Variants in CSMD2 observed in about 807,000 individuals in gnomAD.
CSMD2 encodes CUB and sushi domain-containing protein 2.
CSMD2 carries 130 observed loss-of-function variants against 398.5 expected under a neutral mutation model. The ratio of observed to expected loss-of-function variants is 0.33; its 90% CI spans 0.28 to 0.38. The LOEUF is 0.38. Among genes scored for constraint, CSMD2 ranks in the 10% least tolerant of loss-of-function variants. CSMD2 has a pLI of 1.00. For synonymous variants in CSMD2, 1,828 were observed against 1,908.5 expected, an observed-to-expected ratio of 0.96 and a Z score of 1.10; for missense variants, 3,829 against 4,764.9, an observed-to-expected ratio of 0.80 and a Z score of 5.78.
At chr1:33,674,974 T>C (rs1644650795) in intron 25 of CSMD2, among the ~76,000 whole-genome samples, 1 of 152,136 alleles carries the variant, frequency 6.6e-6, no homozygotes, top group Admixed American at 6.5e-5. Flanking sequence ...TAGAGGGAAA[T>C]TTATAGCACT....
At chr1:33,707,690 C>T (rs1310823061) in intron 22 of CSMD2, among the ~76,000 whole-genome samples, 24 of 41,956 alleles carry the variant, frequency 5.7e-4, no homozygotes, top group Non-Finnish European at 9.1e-4. Flanking sequence ...CACACGCGCG[C>T]GCGCGCACAC....
chr1:33,847,106 T>C, intron 5 of CSMD2, 110 bp from the exon 6 acceptor site: 2 of 660,578 alleles, frequency 3.0e-6, no homozygotes, highest in Non-Finnish European at 5.0e-6. Context: ...TCAGCCCAGC[T>C]CTGGAGCAGG....
intron 44 of CSMD2, among the ~76,000 whole-genome samples, chr1:33,590,294 A>ATTTTT (rs56252015): frequency 5.7e-4 from 42 of 73,830 alleles, no homozygotes; most frequent in Non-Finnish European, 6.2e-4. Flanking sequence ...GCTAATTAAA[A>ATTTTT]TTTTTTTTTT....
At chr1:34,104,309 G>A (rs752790634) in intron 1 of CSMD2, among the ~76,000 whole-genome samples, 2 of 152,128 alleles carry the variant, frequency 1.3e-5, no homozygotes, top group Non-Finnish European at 2.9e-5. Flanking sequence ...AAATTTCTCA[G>A]TTGGTTCCCT....
chr1:33,675,085 A>G (rs545879827), intron 25 of CSMD2, among the ~76,000 whole-genome samples: 124 of 152,366 alleles, frequency 8.1e-4, no homozygotes, highest in African/African-American at 2.6e-3. Context: ...AAAAGCTAGC[A>G]GAAGGCAAGA....
At chr1:34,019,446 T>A (rs924750133) in intron 3 of CSMD2, among the ~76,000 whole-genome samples, 6 of 152,226 alleles carry the variant, frequency 3.9e-5, no homozygotes, top group African/African-American at 1.4e-4. Flanking sequence ...TAAGCAATTG[T>A]GAAGGCTAAG....
chr1:33,944,597 C>T (rs1334143761), intron 3 of CSMD2, among the ~76,000 whole-genome samples: 3 of 152,056 alleles, frequency 2.0e-5, no homozygotes, highest in Admixed American at 6.6e-5. Flanking sequence ...TTTAGAGATC[C>T]GAAGGGTCAC....
chr1:33,756,208 C>T (rs374574513), intron 13 of CSMD2, among the ~76,000 whole-genome samples: 4 of 152,180 alleles, frequency 2.6e-5, no homozygotes, highest in African/African-American at 4.8e-5. Context: ...CTCATCCTCA[C>T]GTAACTCCTA....
chr1:33,864,484 C>T, intron 5 of CSMD2: 1 of 1,613,534 alleles, frequency 6.2e-7, no homozygotes, highest in South Asian at 1.1e-5. Flanking sequence ...CGGCCTCCAT[C>T]ATCCTTCCTA....
At chr1:34,114,907 A>G (rs1661458632) in intron 1 of CSMD2, among the ~76,000 whole-genome samples, 1 of 152,208 alleles carries the variant, frequency 6.6e-6, no homozygotes, top group African/African-American at 2.4e-5. Context: ...TAGAAACTAT[A>G]ATACAAGATC....
At chr1:33,746,216 G>A (rs1296856442) in intron 13 of CSMD2, among the ~76,000 whole-genome samples, 1 of 152,158 alleles carries the variant, frequency 6.6e-6, no homozygotes, top group Non-Finnish European at 1.5e-5. Context: ...CCCCCACACA[G>A]CCATCTTGTC....
chr1:33,928,596 T>C (rs1644205621), intron 4 of CSMD2, among the ~76,000 whole-genome samples: 2 of 152,096 alleles, frequency 1.3e-5, no homozygotes, highest in African/African-American at 4.8e-5. Context: ...AGCCAGTGGG[T>C]GTAAGTGGCA....
intron 2 of CSMD2, among the ~76,000 whole-genome samples, chr1:34,062,177 G>C (rs1479566821): frequency 6.6e-6 from 1 of 152,196 alleles, no homozygotes; most frequent in East Asian, 1.9e-4. Context: ...CACAGCCCTT[G>C]ACCTTGCTGG....
At chr1:33,683,248 T>C (rs1016195162) in intron 25 of CSMD2, among the ~76,000 whole-genome samples, 1 of 152,238 alleles carries the variant, frequency 6.6e-6, no homozygotes. Flanking sequence ...CCATCTTCTA[T>C]TGATCATGCA....
In CSMD2 at chr1:34,164,769, G is replaced by T. The variant is rs986481651; in HGVS notation, c.187+142C>A. On this transcript the variant is annotated intron_variant, in intron 1 of 70. Coordinates refer to ENST00000373381, the MANE Select transcript of CSMD2 (RefSeq NM_001281956.2). This position sits in a 1 kb window ranked among gnomAD's most constrained non-coding sequence, Gnocchi z 6.2. ...GGGAGACGGAGGCAGGGATGAGAATGAGAGTAGGCAACTGGGAGGGTGGGA... is the reference window on the plus strand; with the variant it reads ...GGGAGACGGAGGCAGGGATGAGAATTAGAGTAGGCAACTGGGAGGGTGGGA... 7 of 713,566 alleles carry T rather than the reference G, an allele frequency of 9.8e-6. No homozygotes were observed. In the African/African-American group the frequency reaches 1.1e-4, roughly 12 times the overall value. The allele number at this position is 713,566 out of a possible 1,614,324, so 44.2% of individuals were successfully genotyped here. A position where few individuals can be genotyped will look rare whatever the true frequency, so the allele number is the denominator to read the frequency against.
chr1:34,080,040 A>G (rs1401061105), intron 2 of CSMD2, among the ~76,000 whole-genome samples: 1 of 151,852 alleles, frequency 6.6e-6, no homozygotes, highest in Non-Finnish European at 1.5e-5. Context: ...ATATATTAAA[A>G]ATAGAGAAAT....
chr1:34,050,536 T>C (rs1028316070), intron 2 of CSMD2, among the ~76,000 whole-genome samples: 1 of 152,166 alleles, frequency 6.6e-6, no homozygotes, highest in Non-Finnish European at 1.5e-5. Flanking sequence ...AACAATGAAA[T>C]GGCCTTTTCA....
rs760317973 is a variant in CSMD2, at chr1:34,163,646, C to T, written c.187+1265G>A. ...AGAGGTTCAATCGGTGGTTTCAAAACAAAACAAAACAAAACAAAAACAAAA... is the reference window on the plus strand; with the variant it reads ...AGAGGTTCAATCGGTGGTTTCAAAATAAAACAAAACAAAACAAAAACAAAA... On this transcript the variant is annotated intron_variant, in intron 1 of 70. Coordinates refer to ENST00000373381, the MANE Select transcript of CSMD2 (RefSeq NM_001281956.2). This position sits in a 1 kb window ranked among gnomAD's most constrained non-coding sequence, Gnocchi z 5.4. Among the ~76,000 whole-genome samples the T allele has an allele frequency of 3.3e-5, 5 of 151,822 alleles. No individual in the cohort carries two copies. The highest frequency in any genetic ancestry group is 4.8e-5 in the African/African-American group (2 of 41,364).
chr1:33,866,113 T>C (rs928453115), intron 5 of CSMD2, among the ~76,000 whole-genome samples: 1 of 152,076 alleles, frequency 6.6e-6, no homozygotes, highest in African/African-American at 2.4e-5. Flanking sequence ...ACAGTAAAAA[T>C]ACATATTTTT....
Sources: allele counts gnomAD v4.1 joint callset (sites outside exome capture counted in the v4.1 genomes callset), GRCh38; gene constraint gnomAD v4.1.1; non-coding constraint Gnocchi (gnomAD v3.1); transcripts MANE v1.5; gene names NCBI Gene and HGNC (gene_info 2026-07-23, HGNC 2026-07-21).